TNFRSF21: variants seen among roughly 807,000 people sequenced by gnomAD.
TNFRSF21 encodes the protein tumor necrosis factor receptor superfamily member 21.
TNFRSF21 carries 19 observed loss-of-function variants against 45.6 expected under a neutral mutation model. The ratio of observed to expected loss-of-function variants is 0.42; its 90% CI spans 0.29 to 0.61. The LOEUF is 0.61. Ranked by LOEUF, TNFRSF21 falls within the 20% of genes least tolerant of loss-of-function variation. TNFRSF21 has a pLI of 0.23. For missense variants in TNFRSF21, 737 were observed against 851.5 expected, an observed-to-expected ratio of 0.87 and a Z score of 1.67; for synonymous variants, 314 against 335.5, an observed-to-expected ratio of 0.94 and a Z score of 0.70.
chr6:47,302,033 A>G lies in TNFRSF21; in HGVS notation c.96+7383T>C, dbSNP rs372718428. ...TGAAATCAAACAATGGTCTTGTCCC[A>G]AAGGTTATTTGGGAGACCAGAATTC... On this transcript the variant is annotated intron_variant, in intron 1 of 5. Transcript: ENST00000296861. Among the ~76,000 whole-genome samples the G allele has an allele frequency of 1.2e-4, 19 of 152,292 alleles. 1 individual carries two copies. The South Asian group carries it at 3.1e-3, about 25-fold the overall frequency.
At chr6:47,303,627 C>T (rs1327246251) in intron 1 of TNFRSF21, among the ~76,000 whole-genome samples, 5 of 152,184 alleles carry the variant, frequency 3.3e-5, no homozygotes, top group East Asian at 3.9e-4. Flanking sequence ...GTGAACCCCA[C>T]CTCTGTATAG....
At chr6:47,279,927 T>TA (rs1469967763) in intron 3 of TNFRSF21, among the ~76,000 whole-genome samples, 1 of 152,192 alleles carries the variant, frequency 6.6e-6, no homozygotes, top group African/African-American at 2.4e-5. Flanking sequence ...CACAGCACCT[T>TA]TATTCTTCCA....
At position 47,303,203 on chromosome 6, in the gene TNFRSF21, C is replaced by T. The variant is rs1400195524; in HGVS notation, c.96+6213G>A. ...CCCAAAACAGATAGATTTGCAAGGG[C>T]ACCAAGCAACAGAGCCACACAGCAG... is the stretch of plus-strand genomic sequence containing the variant. On this transcript the variant is annotated intron_variant, in intron 1 of 5. Coordinates refer to ENST00000296861, the MANE Select transcript of TNFRSF21 (RefSeq NM_014452.5). 2.6e-5 allele frequency among the ~76,000 whole-genome samples: 4 copies of T among 152,128 alleles called. No homozygotes were observed. The South Asian group carries it at 8.3e-4, about 32-fold the overall frequency.
At chr6:47,266,035 C>A (rs1418172002) in intron 3 of TNFRSF21, among the ~76,000 whole-genome samples, 1 of 152,182 alleles carries the variant, frequency 6.6e-6, no homozygotes, top group African/African-American at 2.4e-5. Context: ...CACAGCATAG[C>A]TTCCAGTTGA....
At chr6:47,263,820 C>T (rs9473044) in intron 3 of TNFRSF21, among the ~76,000 whole-genome samples, 65,085 of 152,028 alleles carry the variant, frequency 0.43, 14,774 homozygotes, top group African/African-American at 0.59. Context: ...TATTTCCTTT[C>T]TCTACTTAGT....
chr6:47,287,959 A>C (rs1427811747), intron 1 of TNFRSF21, among the ~76,000 whole-genome samples: 1 of 152,250 alleles, frequency 6.6e-6, no homozygotes, highest in Non-Finnish European at 1.5e-5. Context: ...TAAAGGCATA[A>C]ATTGCAACAC....
rs551874642 is a variant in TNFRSF21 at position 47,234,447 on chromosome 6, G to T, written c.1738+223C>A. On this transcript the variant is annotated intron_variant, in intron 5 of 5. Transcript: ENST00000296861. ...AAAGGGTGGCCGATAGCTCTCCACC[G>T]GGCAGTGCGAGCTGCAAAGATTTTG... Among the ~76,000 whole-genome samples the T allele has an allele frequency of 4.3e-4, 66 of 152,282 alleles. No individual in the cohort carries two copies. The Middle Eastern group carries it at 0.024, about 55-fold the overall frequency.
At chr6:47,244,512 T>C (rs1159634341) in intron 4 of TNFRSF21, among the ~76,000 whole-genome samples, 1 of 152,210 alleles carries the variant, frequency 6.6e-6, no homozygotes, top group Non-Finnish European at 1.5e-5. Context: ...TTCTGGCTTG[T>C]GTATTTATTG....
chr6:47,244,116 T>C (rs991574898), intron 4 of TNFRSF21, among the ~76,000 whole-genome samples: 15 of 151,994 alleles, frequency 9.9e-5, no homozygotes, highest in Admixed American at 7.9e-4. Context: ...GGTCAGGAGA[T>C]AGAGACCATC....
At chr6:47,284,455 G>T in intron 2 of TNFRSF21, 23 bp from the exon 3 acceptor site, 1 of 1,504,460 alleles carries the variant, frequency 6.6e-7, no homozygotes, top group Non-Finnish European at 8.9e-7. Flanking sequence ...GTAAGGAGGG[G>T]GGAAGAGCTT....
At chr6:47,240,402 G>T (rs1764728084) in intron 4 of TNFRSF21, among the ~76,000 whole-genome samples, 1 of 152,160 alleles carries the variant, frequency 6.6e-6, no homozygotes, top group African/African-American at 2.4e-5. Flanking sequence ...TGCCAATACT[G>T]TGCTAGGTGA....
chr6:47,235,174 G>A (rs1257549094), intron 4 of TNFRSF21, among the ~76,000 whole-genome samples: 1 of 152,118 alleles, frequency 6.6e-6, no homozygotes, highest in Non-Finnish European at 1.5e-5. Context: ...TGGGTGTAAG[G>A]AGAAAGATCC....
At position 47,286,456 on chromosome 6, in the gene TNFRSF21, T is replaced by C. The variant is rs1210143687; in HGVS notation, c.236A>G (p.His79Arg). The change falls in exon 2 of 6, where the codon CAT (histidine) becomes CGT (arginine). Residue 79 changes from histidine to arginine, a missense_variant. By Grantham distance (29) the His-to-Arg change is conservative (BLOSUM62 0). Coordinates refer to ENST00000296861, the MANE Select transcript of TNFRSF21 (RefSeq NM_014452.5). ...GACGCGCAGGCTTGTGTTGGTACAA[T>C]GCTCAGAGACATAGGTTCCTGCTGG... is the stretch of plus-strand genomic sequence containing the variant. ...KCPAGTYVSE[H>R]CTNTSLRVCS... 1.1e-5 allele frequency: 18 copies of C among 1,614,102 alleles called. No individual in the cohort carries two copies. Among genetic ancestry groups the C allele is most frequent in the Middle Eastern group, 1.6e-4 (1 of 6,084 alleles).
chr6:47,232,321 T>G lies in TNFRSF21; in HGVS notation c.*444A>C, dbSNP rs1402595964. On this transcript the variant is annotated 3_prime_UTR_variant, in exon 6 of 6. Coordinates refer to ENST00000296861, the MANE Select transcript of TNFRSF21 (RefSeq NM_014452.5). ...AATGTTAAGAGACATAAAGACTGCTTATAGGATTCACAAGATGCCATTATA... is the reference window on the plus strand; with the variant it reads ...AATGTTAAGAGACATAAAGACTGCTGATAGGATTCACAAGATGCCATTATA... 6.4e-6 allele frequency: 1 copy of G among 156,122 alleles called. No individual in the cohort carries two copies. Among genetic ancestry groups the G allele is most frequent in the Non-Finnish European group, 1.4e-5 (1 of 70,512 alleles). 9.7% of individuals were successfully genotyped at this position (156,122 alleles called of 1,614,324 possible).
In TNFRSF21 at chr6:47,234,651, T is replaced by C. The variant is rs1399458610; in HGVS notation, c.1738+19A>G. ...GGGGGGTTTAAGTGCGTGTGTGAGG[T>C]CTGCTGCGATGCCCGTACCTTTGGT... On this transcript the variant is annotated intron_variant, in intron 5 of 5. Transcript: ENST00000296861. 1.3e-6 allele frequency: 2 copies of C among 1,586,992 alleles called. No individual in the cohort carries two copies. Among genetic ancestry groups the C allele is most frequent in the Non-Finnish European group, 1.7e-6 (2 of 1,164,132 alleles).
At chr6:47,300,553 C>A (rs904782279) in intron 1 of TNFRSF21, among the ~76,000 whole-genome samples, 1 of 152,164 alleles carries the variant, frequency 6.6e-6, no homozygotes, top group African/African-American at 2.4e-5. Context: ...TATTACCCTG[C>A]TTCCCACTGC....
chr6:47,253,539 T>C lies in TNFRSF21; in HGVS notation c.1244-18A>G. ...ATCGATACCTACACCAGAGAAAAAA[T>C]AAAAAACAAATGAGGGCTTGTAAGG... On this transcript the variant is annotated intron_variant, in intron 3 of 5. Coordinates refer to ENST00000296861, the MANE Select transcript of TNFRSF21 (RefSeq NM_014452.5). The C allele has an allele frequency of 7.5e-6, 12 of 1,604,508 alleles. No homozygotes were observed. The highest frequency in any genetic ancestry group is 1.0e-5 in the Non-Finnish European group (12 of 1,178,532).
intron 1 of TNFRSF21, among the ~76,000 whole-genome samples, chr6:47,292,406 T>C (rs1418003010): frequency 6.6e-6 from 1 of 152,042 alleles, no homozygotes; most frequent in African/African-American, 2.4e-5. Context: ...CCCAGCCCCA[T>C]CATCTGGATC....
At chr6:47,233,615 A>C (rs1764617534) in intron 5 of TNFRSF21, among the ~76,000 whole-genome samples, 3 of 151,270 alleles carry the variant, frequency 2.0e-5, no homozygotes, top group Non-Finnish European at 4.4e-5. Flanking sequence ...TTTTATTACT[A>C]TTATAAAGCA....
Sources: gnomAD v4.1 joint callset for allele counts (sites outside exome capture counted in the v4.1 genomes callset) on GRCh38, gnomAD v4.1.1 for gene constraint, MANE v1.5 for transcripts, NCBI Gene and HGNC (gene_info 2026-07-23, HGNC 2026-07-21) for gene names.